Variants in PPARGC1A observed in about 807,000 individuals in gnomAD.
PPARGC1A encodes peroxisome proliferator-activated receptor gamma coactivator 1-alpha.
PPARGC1A carries 25 observed loss-of-function variants against 88.7 expected under a neutral mutation model. The observed-to-expected ratio is 0.28, with a 90% CI of 0.21 to 0.39. The LOEUF (loss-of-function observed/expected upper bound fraction) is 0.39, where lower values mean the gene tolerates loss of function less well. Ranked by LOEUF, PPARGC1A falls within the 10% of genes least tolerant of loss-of-function variation. The probability of loss-of-function intolerance (pLI) is 1.00; values close to 1 mark genes in which losing one functional copy is unlikely to be tolerated. For synonymous variants in PPARGC1A, 363 were observed against 355.6 expected (o/e 1.02, Z -0.24); for missense variants, 880 against 968.7 (o/e 0.91, Z 1.22).
chr4:23,980,879 A>C, the PPARGC1A span, among the ~76,000 whole-genome samples: 1 of 152,162 alleles, frequency 6.6e-6, no homozygotes, highest in African/African-American at 2.4e-5. Flanking sequence ...GGAGTCTGGG[A>C]AACAAGTTTC....
At chr4:24,213,328 G>C in the PPARGC1A span, among the ~76,000 whole-genome samples, 1 of 151,904 alleles carries the variant, frequency 6.6e-6, no homozygotes, top group Admixed American at 6.6e-5. Flanking sequence ...CACCCGGCCC[G>C]GCTAATTTTT....
the PPARGC1A span, among the ~76,000 whole-genome samples, chr4:24,237,186 T>A: frequency 6.6e-6 from 1 of 152,088 alleles, no homozygotes; most frequent in African/African-American, 2.4e-5. Flanking sequence ...GCAGTGGGAA[T>A]CTCAGAATTA....
At chr4:23,917,027 T>C in the PPARGC1A span, among the ~76,000 whole-genome samples, 2 of 152,166 alleles carry the variant, frequency 1.3e-5, no homozygotes, top group African/African-American at 4.8e-5. Flanking sequence ...AACGACTGTG[T>C]TCTTGTTCCC....
the PPARGC1A span, among the ~76,000 whole-genome samples, chr4:24,303,510 C>A: frequency 6.6e-6 from 1 of 152,158 alleles, no homozygotes; most frequent in Non-Finnish European, 1.5e-5. Flanking sequence ...AACTACAAAT[C>A]AAAATTGTGT....
At chr4:24,202,808 C>T in the PPARGC1A span, among the ~76,000 whole-genome samples, 2 of 152,174 alleles carry the variant, frequency 1.3e-5, no homozygotes, top group South Asian at 4.1e-4. Context: ...TACCTGGCAA[C>T]ATGAACTCTC....
the PPARGC1A span, among the ~76,000 whole-genome samples, chr4:24,283,116 AC>A: frequency 1.3e-5 from 2 of 151,946 alleles, no homozygotes; most frequent in Non-Finnish European, 1.5e-5. Context: ...TCTACAAGCC[AC>A]CCCCTTGTGA....
intron 10 of PPARGC1A, among the ~76,000 whole-genome samples, chr4:23,805,697 T>C (rs1390721877): frequency 6.6e-6 from 1 of 152,196 alleles, no homozygotes; most frequent in African/African-American, 2.4e-5. Context: ...CTATCTAAAC[T>C]TAAATTTCCT....
the PPARGC1A span, among the ~76,000 whole-genome samples, chr4:24,292,475 A>C: frequency 2.0e-5 from 3 of 150,204 alleles, no homozygotes; most frequent in Admixed American, 1.3e-4. Flanking sequence ...TGCCTCCCCT[A>C]TGTGCACTCC....
chr4:24,211,210 A>T, the PPARGC1A span, among the ~76,000 whole-genome samples: 1 of 152,138 alleles, frequency 6.6e-6, no homozygotes, highest in African/African-American at 2.4e-5. Context: ...AAAAAATATT[A>T]TCATCCTCTT....
At chr4:23,829,977 C>T (rs1340575953) in intron 3 of PPARGC1A, among the ~76,000 whole-genome samples, 1 of 151,002 alleles carries the variant, frequency 6.6e-6, no homozygotes, top group Non-Finnish European at 1.5e-5. Flanking sequence ...TTTTTTTGAA[C>T]AAATAAAGCA....
At chr4:23,918,652 C>A in the PPARGC1A span, among the ~76,000 whole-genome samples, 39 of 152,222 alleles carry the variant, frequency 2.6e-4, no homozygotes, top group Admixed American at 2.3e-3. Flanking sequence ...AAAATATAAA[C>A]CCATTGCTCT....
Position 23,829,496 on chromosome 4 carries a change from A to G in PPARGC1A, c.519T>C (p.Asn173=), listed in dbSNP as rs756254362. ...GLSTQNHANH[N]HRIRTNPAIV... is the part of the protein sequence containing the mutation. ...TTGCAGGGTTTGTTCTGATCCTGTG[A>G]TTGTGATTTGCATGGTTCTGGGTAC... The change falls in exon 4 of 13, where the codon AAT becomes AAC. Residue 173 remains asparagine, a synonymous_variant. Coordinates refer to ENST00000264867, the MANE Select transcript of PPARGC1A (RefSeq NM_013261.5). 1 of 1,613,832 alleles carries G rather than the reference A, an allele frequency of 6.2e-7. No homozygotes were observed. Among genetic ancestry groups the G allele is most frequent in the Non-Finnish European group, 8.5e-7 (1 of 1,179,750 alleles).
chr4:24,053,303 A>T, the PPARGC1A span, among the ~76,000 whole-genome samples: 6 of 152,128 alleles, frequency 3.9e-5, no homozygotes, highest in Non-Finnish European at 7.3e-5. Context: ...TCAAATAGAG[A>T]TCCAAAGGCT....
chr4:24,045,264 A>C, the PPARGC1A span, among the ~76,000 whole-genome samples: 7 of 152,174 alleles, frequency 4.6e-5, no homozygotes, highest in Non-Finnish European at 8.8e-5. Context: ...TTGTAATATA[A>C]ATATATTTTT....
chr4:24,017,541 GGAAA>G, the PPARGC1A span, among the ~76,000 whole-genome samples: 1 of 151,860 alleles, frequency 6.6e-6, no homozygotes, highest in African/African-American at 2.4e-5. Context: ...ACAGAGAGAG[GGAAA>G]GAGAGACTAC....
chr4:23,936,298 T>A, the PPARGC1A span, among the ~76,000 whole-genome samples: 3 of 152,284 alleles, frequency 2.0e-5, no homozygotes, highest in South Asian at 2.1e-4. Context: ...ACAGATGGAT[T>A]GAGAAACTTG....
At chr4:23,806,081 G>A (rs551781035) in intron 10 of PPARGC1A, among the ~76,000 whole-genome samples, 26 of 152,256 alleles carry the variant, frequency 1.7e-4, no homozygotes, top group African/African-American at 5.3e-4. Context: ...ACAGGAAACC[G>A]AAGGGGTGTT....
chr4:23,996,055 T>C, the PPARGC1A span, among the ~76,000 whole-genome samples: 1 of 152,160 alleles, frequency 6.6e-6, no homozygotes, highest in Non-Finnish European at 1.5e-5. Flanking sequence ...GCTCTTTTCA[T>C]CTTCAGGGGA....
chr4:23,916,130 T>C, the PPARGC1A span, among the ~76,000 whole-genome samples: 2 of 152,174 alleles, frequency 1.3e-5, no homozygotes, highest in Admixed American at 6.5e-5. Context: ...TGTAAGTAAA[T>C]CAACTATATA....
Sources: allele counts gnomAD v4.1 joint callset (sites outside exome capture counted in the v4.1 genomes callset), GRCh38; gene constraint gnomAD v4.1.1; transcripts MANE v1.5; gene names NCBI Gene and HGNC (gene_info 2026-07-23, HGNC 2026-07-21).